USP15: variants seen among roughly 807,000 people sequenced by gnomAD.
USP15 encodes the protein ubiquitin specific peptidase 15.
A neutral mutation model predicts 127.1 loss-of-function variants in USP15; 18 were observed. The observed-to-expected ratio is 0.14, with a 90% CI of 0.10 to 0.21. USP15 has a LOEUF of 0.21. Among genes scored for constraint, USP15 ranks in the 10% least tolerant of loss-of-function variants. The pLI, the probability that USP15 is intolerant of heterozygous loss-of-function variation, is 1.00. For missense variants in USP15, 805 were observed against 1,159.9 expected, an observed-to-expected ratio of 0.69 and a Z score of 4.44; for synonymous variants, 364 against 393.7, an observed-to-expected ratio of 0.92 and a Z score of 0.89.
chr12:62,406,163 C>T lies in USP15; in HGVS notation c.*1788C>T, dbSNP rs937443407. 2 of 151,432 alleles carry T rather than the reference C, an allele frequency of 1.3e-5. No homozygotes were observed. Among genetic ancestry groups the T allele is most frequent in the Non-Finnish European group, 2.9e-5 (2 of 67,818 alleles). The allele number at this position is 151,432 out of a possible 1,614,324, so 9.4% of individuals were successfully genotyped here. A position where few individuals can be genotyped will look rare whatever the true frequency, so the allele number is the denominator to read the frequency against. On this transcript the variant is annotated 3_prime_UTR_variant, in exon 22 of 22. Transcript: ENST00000280377. ...ACTCTTAATCTTTTAATAAAAATCCCCTACTTTATGGTTAGATGACTATAT... is the reference window on the plus strand; with the variant it reads ...ACTCTTAATCTTTTAATAAAAATCCTCTACTTTATGGTTAGATGACTATAT...
At chr12:62,340,396 G>T (rs1354771144) in intron 6 of USP15, among the ~76,000 whole-genome samples, 1 of 151,830 alleles carries the variant, frequency 6.6e-6, no homozygotes, top group African/African-American at 2.4e-5. Flanking sequence ...CTTCAGTTCT[G>T]CTCTGATCTT....
chr12:62,281,403 C>G (rs1334053396), intron 1 of USP15, among the ~76,000 whole-genome samples: 2 of 152,150 alleles, frequency 1.3e-5, no homozygotes, highest in South Asian at 2.1e-4. Flanking sequence ...GTGGCATGCT[C>G]TCAGCTCAGT....
intron 2 of USP15, among the ~76,000 whole-genome samples, chr12:62,300,362 A>C (rs1200599176): frequency 6.6e-6 from 1 of 152,124 alleles, no homozygotes; most frequent in South Asian, 2.1e-4. Context: ...ATCCTTTTGC[A>C]TGTGGATATT....
chr12:62,403,157 G>A (rs547878263), intron 21 of USP15, among the ~76,000 whole-genome samples: 2 of 152,154 alleles, frequency 1.3e-5, no homozygotes, highest in South Asian at 2.1e-4. Context: ...TCATAAGACA[G>A]GAGTTCAGGG....
At chr12:62,386,647 TC>T (rs1255658902) in intron 11 of USP15, among the ~76,000 whole-genome samples, 1 of 152,088 alleles carries the variant, frequency 6.6e-6, no homozygotes, top group Non-Finnish European at 1.5e-5. Context: ...ACTTCTGTAA[TC>T]TACAGTAGTT....
chr12:62,296,400 A>G (rs1481458143), intron 2 of USP15, among the ~76,000 whole-genome samples: 1 of 152,234 alleles, frequency 6.6e-6, no homozygotes, highest in Non-Finnish European at 1.5e-5. Flanking sequence ...AACTAATAAC[A>G]CATGCTAACA....
intron 9 of USP15, among the ~76,000 whole-genome samples, 176 bp from the exon 10 acceptor site, chr12:62,383,663 TG>T (rs1455145971): frequency 6.6e-6 from 1 of 151,962 alleles, no homozygotes; most frequent in Non-Finnish European, 1.5e-5. Flanking sequence ...TCAAATTTTT[TG>T]CCACTCTGAA....
intron 6 of USP15, among the ~76,000 whole-genome samples, chr12:62,326,669 G>A (rs1015936501): frequency 1.3e-5 from 2 of 152,176 alleles, no homozygotes; most frequent in Non-Finnish European, 2.9e-5. Flanking sequence ...CAAATGAACT[G>A]TGAAAAAATT....
intron 1 of USP15, among the ~76,000 whole-genome samples, chr12:62,290,128 A>AT (rs1340793544): frequency 2.6e-5 from 4 of 152,182 alleles, no homozygotes; most frequent in African/African-American, 9.6e-5. Flanking sequence ...TGCCAAATAC[A>AT]TTTAGTTTAG....
rs569439176 is a variant in USP15, at chr12:62,401,480, T to C, written c.2763+205T>C. Among the ~76,000 whole-genome samples, 11 of 152,130 alleles carry C rather than the reference T, an allele frequency of 7.2e-5. No homozygotes were observed. In the South Asian group the frequency reaches 2.3e-3, roughly 32 times the overall value. ...CTAAATTTGCCCACTAACAAAAGCA[T>C]AAATTGCAAGGTGAAAAAATTTTTG... On this transcript the variant is annotated intron_variant, in intron 21 of 21. Coordinates refer to ENST00000280377, the MANE Select transcript of USP15 (RefSeq NM_001252078.2).
At chr12:62,335,278 A>G in intron 6 of USP15, 1 of 1,506,908 alleles carries the variant, frequency 6.6e-7, no homozygotes, top group Non-Finnish European at 8.8e-7. Context: ...ACCCCTAAAT[A>G]ACCTGATATT....
At chr12:62,302,690 C>T (rs548322395) in intron 2 of USP15, 100 bp from the exon 3 acceptor site, 52 of 1,344,424 alleles carry the variant, frequency 3.9e-5, no homozygotes, top group Non-Finnish European at 4.2e-5. Flanking sequence ...GAGCTTAAAA[C>T]TTGTTTTAAA....
intron 1 of USP15, 133 bp from the exon 2 acceptor site, chr12:62,294,046 C>A: frequency 1.2e-6 from 1 of 837,578 alleles, no homozygotes; most frequent in Non-Finnish European, 1.8e-6. Context: ...TACTAAGGGG[C>A]ATTACAGTTT....
chr12:62,381,473 T>C lies in USP15; in HGVS notation c.916-17T>C, dbSNP rs775459175. On this transcript the variant is annotated splice_polypyrimidine_tract_variant and intron_variant, in intron 8 of 21. Coordinates refer to ENST00000280377, the MANE Select transcript of USP15 (RefSeq NM_001252078.2). ...TTATGATTACTTTTACTTGAAAATA[T>C]ATTTTATTTTTTGCAGTGTTTGAGC... is the stretch of plus-strand genomic sequence containing the variant. 3 of 1,565,708 alleles carry C rather than the reference T, an allele frequency of 1.9e-6. No homozygotes were observed. Among genetic ancestry groups the C allele is most frequent in the Non-Finnish European group, 2.6e-6 (3 of 1,156,900 alleles).
In USP15 at chr12:62,388,338, AT is replaced by A. The variant is rs1263951084; in HGVS notation, c.1474-1092del. On this transcript the variant is annotated intron_variant, in intron 11 of 21. Transcript: ENST00000280377. ...TGTAGCAACAGGGTTTTGCCATGTTATCCAGGCTGGTCTCGAACTTTCGGGC... is the reference window on the plus strand; with the variant it reads ...TGTAGCAACAGGGTTTTGCCATGTTACCAGGCTGGTCTCGAACTTTCGGGC... Among the ~76,000 whole-genome samples the A allele has an allele frequency of 1.3e-4, 20 of 152,168 alleles. No homozygotes were observed. The East Asian group carries it at 3.1e-3, about 24-fold the overall frequency.
intron 1 of USP15, among the ~76,000 whole-genome samples, chr12:62,275,739 C>A (rs2063475155): frequency 6.6e-6 from 1 of 151,922 alleles, no homozygotes. Context: ...AAATTATTGG[C>A]CTGGGATTTG....
intron 1 of USP15, among the ~76,000 whole-genome samples, chr12:62,266,759 G>A (rs1592447979): frequency 6.6e-6 from 1 of 152,082 alleles, no homozygotes; most frequent in Admixed American, 6.5e-5. Flanking sequence ...ACTTATAGAT[G>A]AGGAATCTGA....
chr12:62,355,165 A>T (rs2066081150), intron 7 of USP15, 166 bp from the exon 8 acceptor site: 3 of 558,278 alleles, frequency 5.4e-6, no homozygotes. Flanking sequence ...ATTCAGGGTG[A>T]GTTATTTTTT....
intron 8 of USP15, among the ~76,000 whole-genome samples, chr12:62,363,752 C>T (rs1394908301): frequency 6.6e-6 from 1 of 152,032 alleles, no homozygotes; most frequent in African/African-American, 2.4e-5. Context: ...TTGTTTTAGT[C>T]ACTGTTGTAG....
Sources: gnomAD v4.1 joint callset for allele counts (sites outside exome capture counted in the v4.1 genomes callset) on GRCh38, gnomAD v4.1.1 for gene constraint, MANE v1.5 for transcripts, NCBI Gene and HGNC (gene_info 2026-07-23, HGNC 2026-07-21) for gene names.